Variants in EYS observed in about 807,000 individuals in gnomAD.
EYS encodes EGF-like photoreceptor maintenance factor, also known as protein eyes shut homolog.
A neutral mutation model predicts 282.1 loss-of-function variants in EYS; 250 were observed. The ratio of observed to expected loss-of-function variants is 0.89; its 90% CI spans 0.80 to 0.98. EYS has a LOEUF of 0.98. Among genes scored for constraint, EYS ranks in the 50% least tolerant of loss-of-function variants. EYS has a pLI of 0.00. For synonymous variants in EYS, 1,355 were observed against 1,282.9 expected, an observed-to-expected ratio of 1.06 and a Z score of -1.20; for missense variants, 4,016 against 3,709.0, an observed-to-expected ratio of 1.08 and a Z score of -2.15.
chr6:64,196,453 A>T (rs1008777823), intron 31 of EYS, among the ~76,000 whole-genome samples: 1 of 152,204 alleles, frequency 6.6e-6, no homozygotes, highest in African/African-American at 2.4e-5. Context: ...ACGTATGTTT[A>T]TTGTGGCACT....
intron 19 of EYS, among the ~76,000 whole-genome samples, chr6:64,879,210 G>A (rs1766841545): frequency 6.6e-6 from 1 of 151,972 alleles, no homozygotes; most frequent in South Asian, 2.1e-4. Context: ...TTCCTATGAA[G>A]GGGAAAAGAC....
At chr6:64,177,963 C>G (rs1764685422) in intron 31 of EYS, among the ~76,000 whole-genome samples, 1 of 152,094 alleles carries the variant, frequency 6.6e-6, no homozygotes, top group African/African-American at 2.4e-5. Flanking sequence ...TCCAATATGG[C>G]TGTTATTTGG....
intron 28 of EYS, among the ~76,000 whole-genome samples, chr6:64,405,457 T>C (rs764808886): frequency 3.0e-4 from 45 of 152,204 alleles, no homozygotes; most frequent in Admixed American, 7.9e-4. Flanking sequence ...CTATTCAACA[T>C]AGTATTAGAA....
At chr6:64,992,445 T>C (rs1436890882) in intron 14 of EYS, among the ~76,000 whole-genome samples, 1 of 151,874 alleles carries the variant, frequency 6.6e-6, no homozygotes, top group Non-Finnish European at 1.5e-5. Context: ...ATATTTATTC[T>C]TAGAAGTTTA....
At chr6:65,192,754 A>C (rs1765673019) in intron 12 of EYS, among the ~76,000 whole-genome samples, 1 of 151,766 alleles carries the variant, frequency 6.6e-6, no homozygotes, top group African/African-American at 2.4e-5. Context: ...CTCTTGCAAT[A>C]ATGAATTTGT....
chr6:64,995,568 G>A (rs1456102659), intron 14 of EYS, among the ~76,000 whole-genome samples: 1 of 152,102 alleles, frequency 6.6e-6, no homozygotes, highest in Non-Finnish European at 1.5e-5. Flanking sequence ...GATATCACCA[G>A]TATGATGACA....
chr6:64,386,739 T>G (rs1772922914), intron 29 of EYS, among the ~76,000 whole-genome samples: 1 of 152,216 alleles, frequency 6.6e-6, no homozygotes, highest in South Asian at 2.1e-4. Context: ...TTCTATATAT[T>G]TTTTGCCAAT....
intron 29 of EYS, among the ~76,000 whole-genome samples, chr6:64,341,351 T>C (rs1395748586): frequency 6.6e-6 from 1 of 151,810 alleles, no homozygotes; most frequent in Non-Finnish European, 1.5e-5. Flanking sequence ...GACCATGGAA[T>C]ATTACATGGC....
intron 1 of EYS, among the ~76,000 whole-genome samples, chr6:65,690,404 G>A (rs1042116197): frequency 5.3e-5 from 8 of 149,622 alleles, no homozygotes; most frequent in African/African-American, 9.7e-5. Flanking sequence ...CCCCTCATGC[G>A]TCCGTTTATA....
Position 64,448,462 on chromosome 6 carries a change from C to T in EYS, c.5645-9110G>A, listed in dbSNP as rs142790847. ...ACAGACAAACAAAAGACAGCAATAA[C>T]CTCTGCAGACTTAAATGTCCCTGTC... On this transcript the variant is annotated intron_variant, in intron 26 of 42. Transcript: ENST00000503581. 1.6e-4 allele frequency among the ~76,000 whole-genome samples: 24 copies of T among 152,322 alleles called. No homozygotes were observed. The South Asian group carries it at 4.8e-3, about 30-fold the overall frequency.
chr6:64,619,719 G>C (rs1752359514), intron 23 of EYS, among the ~76,000 whole-genome samples: 1 of 152,010 alleles, frequency 6.6e-6, no homozygotes, highest in Admixed American at 6.6e-5. Flanking sequence ...CTGGTGCCCA[G>C]GCTGGAGTGC....
intron 31 of EYS, among the ~76,000 whole-genome samples, chr6:64,084,108 GAAATTT>G (rs1195971253): frequency 6.6e-6 from 1 of 152,158 alleles, no homozygotes; most frequent in Non-Finnish European, 1.5e-5. Context: ...CTGTTTATTT[GAAATTT>G]AAATTTAAGA....
chr6:63,825,494 T>C (rs1168775203), intron 36 of EYS, among the ~76,000 whole-genome samples: 1 of 152,192 alleles, frequency 6.6e-6, no homozygotes, highest in Non-Finnish European at 1.5e-5. Flanking sequence ...GAGTCCATCG[T>C]GCCCTTCGCC....
intron 35 of EYS, among the ~76,000 whole-genome samples, chr6:63,884,559 T>C (rs1029784338): frequency 2.0e-5 from 3 of 152,176 alleles, no homozygotes; most frequent in Non-Finnish European, 4.4e-5. Flanking sequence ...ATGTATGTTA[T>C]CTTTTATTTT....
chr6:64,836,229 T>C (rs1264309161), intron 19 of EYS, among the ~76,000 whole-genome samples: 1 of 151,194 alleles, frequency 6.6e-6, no homozygotes, highest in Non-Finnish European at 1.5e-5. Flanking sequence ...TCATATCATT[T>C]TAATGATTGC....
intron 35 of EYS, among the ~76,000 whole-genome samples, chr6:63,948,690 C>T (rs897407150): frequency 3.9e-5 from 6 of 151,976 alleles, no homozygotes; most frequent in Admixed American, 1.3e-4. Context: ...TTGAATCAAC[C>T]TTTCAGTCAA....
chr6:65,307,654 T>C (rs1304566750), intron 11 of EYS, among the ~76,000 whole-genome samples: 1 of 138,584 alleles, frequency 7.2e-6, no homozygotes, highest in Non-Finnish European at 1.6e-5. Flanking sequence ...AATTCTCAAA[T>C]ACATCCATAA....
intron 36 of EYS, among the ~76,000 whole-genome samples, chr6:63,828,329 T>C (rs1366513806): frequency 6.6e-6 from 1 of 152,056 alleles, no homozygotes; most frequent in East Asian, 1.9e-4. Flanking sequence ...GATAGACCAT[T>C]AGCAAGATTA....
intron 12 of EYS, among the ~76,000 whole-genome samples, chr6:65,076,427 G>A (rs1774053141): frequency 6.6e-6 from 1 of 151,864 alleles, no homozygotes; most frequent in Non-Finnish European, 1.5e-5. Context: ...CCTTTATAGG[G>A]TATGAGGCAT....
Sources: gnomAD v4.1 joint callset for allele counts (sites outside exome capture counted in the v4.1 genomes callset) on GRCh38, gnomAD v4.1.1 for gene constraint, MANE v1.5 for transcripts, NCBI Gene and HGNC (gene_info 2026-07-23, HGNC 2026-07-21) for gene names.